Variants in IL1RAPL1 observed in about 807,000 individuals in gnomAD.
The protein encoded by IL1RAPL1 is interleukin 1 receptor accessory protein like 1, also known as interleukin-1 receptor accessory protein-like 1.
In IL1RAPL1, 3 loss-of-function variants were observed where a neutral mutation model predicts 48.4. The observed-to-expected ratio is 0.06, with a 90% CI of 0.03 to 0.16. IL1RAPL1 has a LOEUF of 0.16. IL1RAPL1 is among the 10% of genes least tolerant of loss of function. The probability of loss-of-function intolerance (pLI) is 1.00; values close to 1 mark genes in which losing one functional copy is unlikely to be tolerated. For synonymous variants in IL1RAPL1, 185 were observed against 187.7 expected, an observed-to-expected ratio of 0.99 and a Z score of 0.12; for missense variants, 349 against 530.6, an observed-to-expected ratio of 0.66 and a Z score of 3.36.
intron 1 of IL1RAPL1, among the ~76,000 whole-genome samples, chrX:28,773,712 A>G (rs1482247490): frequency 1.8e-5 from 2 of 111,558 alleles, no homozygotes; most frequent in East Asian, 2.8e-4. Context: ...CCTCCCCTAT[A>G]TCACCAATTT....
At chrX:28,765,549 G>GA (rs1369731604) in intron 1 of IL1RAPL1, among the ~76,000 whole-genome samples, 2 of 110,984 alleles carry the variant, frequency 1.8e-5, no homozygotes, top group Non-Finnish European at 3.8e-5. Context: ...TGAGCGAAAT[G>GA]AAAAAAATGG....
intron 6 of IL1RAPL1, among the ~76,000 whole-genome samples, chrX:29,719,107 G>A (rs750705907): frequency 4.5e-5 from 5 of 111,583 alleles, no homozygotes; most frequent in African/African-American, 1.6e-4. Context: ...TTGTTGATAC[G>A]TGCTTTTGAC....
intron 2 of IL1RAPL1, among the ~76,000 whole-genome samples, chrX:29,110,211 T>C (rs947837907): frequency 8.9e-6 from 1 of 112,301 alleles, no homozygotes; most frequent in African/African-American, 3.2e-5. Flanking sequence ...AGCCATTTTC[T>C]TGAATCCCTT....
intron 3 of IL1RAPL1, among the ~76,000 whole-genome samples, chrX:29,297,431 C>T (rs1932465503): frequency 8.9e-6 from 1 of 112,387 alleles, no homozygotes; most frequent in East Asian, 2.8e-4. Context: ...CCTAATACAA[C>T]TGAAGAACTG....
At chrX:28,944,991 C>T (rs1357285543) in intron 2 of IL1RAPL1, among the ~76,000 whole-genome samples, 1 of 110,547 alleles carries the variant, frequency 9.0e-6, no homozygotes, top group African/African-American at 3.3e-5. Flanking sequence ...CCTTGCTTAC[C>T]TGTAGCTTTT....
Position 29,759,147 on chromosome X carries a change from G to A in IL1RAPL1, c.778+90643G>A, listed in dbSNP as rs1048322143. Among the ~76,000 whole-genome samples, 3 of 112,168 alleles carry A rather than the reference G, an allele frequency of 2.7e-5. No individual in the cohort carries two copies. The South Asian group carries it at 1.1e-3, about 41-fold the overall frequency. On this transcript the variant is annotated intron_variant, in intron 6 of 10. Coordinates refer to ENST00000378993, the MANE Select transcript of IL1RAPL1 (RefSeq NM_014271.4). ...ATGTGGCATTTTAGAAAACCACCTA[G>A]CTTCATTCATATTACCCTCAGACAT...
chrX:28,725,052 C>T (rs768224739), intron 1 of IL1RAPL1, among the ~76,000 whole-genome samples: 18 of 106,809 alleles, frequency 1.7e-4, no homozygotes, highest in South Asian at 4.3e-4. Context: ...CCCGGGTTCA[C>T]GCCATTGTCC....
At chrX:29,554,820 G>C (rs2147789407) in intron 5 of IL1RAPL1, among the ~76,000 whole-genome samples, 1 of 111,706 alleles carries the variant, frequency 9.0e-6, no homozygotes, top group Admixed American at 9.5e-5. Flanking sequence ...CTGTAATACT[G>C]TGGTAACTGG....
chrX:29,024,654 G>A (rs1191411635), intron 2 of IL1RAPL1, among the ~76,000 whole-genome samples: 1 of 111,687 alleles, frequency 9.0e-6, no homozygotes, highest in African/African-American at 3.2e-5. Context: ...CAATGTCTTT[G>A]GCTCACATAT....
chrX:29,443,244 C>CTCTCTCTCTCTG lies in IL1RAPL1; in HGVS notation c.703+43947_703+43948insGTCTCTCTCTCT, dbSNP rs1389200808. 3.8e-3 allele frequency among the ~76,000 whole-genome samples: 413 copies of CTCTCTCTCTCTG among 109,257 alleles called. 3 individuals are homozygous for CTCTCTCTCTCTG. Among genetic ancestry groups the CTCTCTCTCTCTG allele is most frequent in the African/African-American group, 0.013 (403 of 29,888 alleles). The allele number at this position is 109,257 out of a possible 115,157, so 94.9% of individuals were successfully genotyped here. A position where few individuals can be genotyped will look rare whatever the true frequency, so the allele number is the denominator to read the frequency against. On this transcript the variant is annotated intron_variant, in intron 5 of 10. Transcript: ENST00000378993. ...GTGCTCTCGCTTGCTCTCTCTCTCT[C>CTCTCTCTCTCTG]TCTCTCTCTCTCTCTGTCTCAATCT...
At chrX:29,546,987 T>C (rs1921644304) in intron 5 of IL1RAPL1, among the ~76,000 whole-genome samples, 1 of 111,751 alleles carries the variant, frequency 8.9e-6, no homozygotes, top group Non-Finnish European at 1.9e-5. Flanking sequence ...AGGAATGATA[T>C]TTGTTGGCTT....
chrX:29,097,648 A>G (rs1462076223), intron 2 of IL1RAPL1, among the ~76,000 whole-genome samples: 4 of 111,303 alleles, frequency 3.6e-5, no homozygotes, highest in Non-Finnish European at 7.5e-5. Context: ...TTCTTCCTTG[A>G]TGGTCTATAT....
At chrX:29,953,606 A>G (rs1477167257) in intron 9 of IL1RAPL1, among the ~76,000 whole-genome samples, 1 of 111,853 alleles carries the variant, frequency 8.9e-6, no homozygotes, top group African/African-American at 3.2e-5. Flanking sequence ...ACTTGGCAAT[A>G]TTTTATGTGT....
At chrX:28,764,818 A>AC (rs1555921193) in intron 1 of IL1RAPL1, among the ~76,000 whole-genome samples, 2,539 of 107,187 alleles carry the variant, frequency 0.024, 61 homozygotes, top group African/African-American at 0.077. Context: ...CATGCACGCA[A>AC]ACACACACAC....
At chrX:29,399,679 C>T (rs1049341240) in intron 5 of IL1RAPL1, among the ~76,000 whole-genome samples, 2 of 110,375 alleles carry the variant, frequency 1.8e-5, no homozygotes, top group Admixed American at 9.7e-5. Context: ...ATTAGCCAGG[C>T]GTGGTGGTGG....
At chrX:29,653,901 C>CTTATTTATTTATTTATTTAT (rs535604223) in intron 5 of IL1RAPL1, among the ~76,000 whole-genome samples, 1 of 93,478 alleles carries the variant, frequency 1.1e-5, no homozygotes, top group African/African-American at 3.8e-5. Flanking sequence ...AATTAGGGCT[C>CTTATTTATTTATTTATTTAT]TTATTTATTT....
At chrX:29,860,118 C>A (rs890018888) in intron 6 of IL1RAPL1, among the ~76,000 whole-genome samples, 2 of 111,819 alleles carry the variant, frequency 1.8e-5, no homozygotes, top group African/African-American at 3.2e-5. Flanking sequence ...GGATACTTCA[C>A]AAAGGCTAGT....
chrX:29,355,619 C>T (rs369429986), intron 3 of IL1RAPL1, among the ~76,000 whole-genome samples: 307 of 111,696 alleles, frequency 2.7e-3, no homozygotes, highest in Admixed American at 5.6e-3. Flanking sequence ...TAAACTGTTA[C>T]GCTAATTATC....
intron 2 of IL1RAPL1, among the ~76,000 whole-genome samples, chrX:29,177,923 T>C (rs1389355635): frequency 1.8e-5 from 2 of 112,212 alleles, no homozygotes; most frequent in Admixed American, 9.5e-5. Context: ...GGACATGAAT[T>C]CATCCTTTTT....
Sources: allele counts gnomAD v4.1 joint callset (sites outside exome capture counted in the v4.1 genomes callset), GRCh38; gene constraint gnomAD v4.1.1; transcripts MANE v1.5; gene names NCBI Gene and HGNC (gene_info 2026-07-23, HGNC 2026-07-21).